LDB2: variants seen among roughly 807,000 people sequenced by gnomAD.
LDB2 encodes LIM domain-binding protein 2.
LDB2 carries 12 observed loss-of-function variants against 44.3 expected under a neutral mutation model. That is an observed-to-expected ratio of 0.27 (90% CI 0.17 to 0.44). The LOEUF is 0.44. LDB2 is among the 20% of genes least tolerant of loss of function. The pLI is 1.00. For missense variants in LDB2, 344 were observed against 473.5 expected (o/e 0.73, Z 2.54); for synonymous variants, 164 against 174.8 (o/e 0.94, Z 0.49).
At chr4:16,592,841 A>G (rs918480479) in intron 3 of LDB2, among the ~76,000 whole-genome samples, 7 of 152,074 alleles carry the variant, frequency 4.6e-5, no homozygotes, top group African/African-American at 1.4e-4. Context: ...TGTACCCTAG[A>G]AAGTGTTCCT....
intron 3 of LDB2, among the ~76,000 whole-genome samples, chr4:16,593,901 C>G (rs1289134761): frequency 2.6e-5 from 4 of 152,198 alleles, no homozygotes; most frequent in Non-Finnish European, 5.9e-5. Context: ...CGATCTAAAA[C>G]AAGTCCCAAA....
chr4:16,588,809 G>C lies in LDB2; in HGVS notation c.432C>G (p.Ile144Met). The C allele has an allele frequency of 1.2e-6, 2 of 1,613,970 alleles. No individual in the cohort carries two copies. The highest frequency in any genetic ancestry group is 1.7e-6 in the Non-Finnish European group (2 of 1,179,872). The change falls in exon 4 of 8, where the codon ATC becomes ATG. Residue 144 changes from isoleucine (I) to methionine (M), a missense_variant. Ile to Met is a conservative substitution (Grantham distance 10). Coordinates refer to ENST00000304523, the MANE Select transcript of LDB2 (RefSeq NM_001290.5). ...FTKVCTEGRL[I>M]LEFTFDDLMR... ...TGAGATCATCAAAGGTGAACTCCAA[G>C]ATCAGTCTGCCTTCTGTACATACCT...
At chr4:16,725,581 C>T (rs1396113894) in intron 2 of LDB2, among the ~76,000 whole-genome samples, 1 of 152,100 alleles carries the variant, frequency 6.6e-6, no homozygotes, top group Non-Finnish European at 1.5e-5. Context: ...ATCTTTGTTC[C>T]CACTTTCTAC....
At chr4:16,801,874 C>T (rs181524603) in intron 1 of LDB2, among the ~76,000 whole-genome samples, 18 of 152,262 alleles carry the variant, frequency 1.2e-4, no homozygotes, top group Admixed American at 1.1e-3. Context: ...ACTAGTGAAT[C>T]ATTTTTGAAT....
chr4:16,670,734 G>A (rs1403810613), intron 2 of LDB2, among the ~76,000 whole-genome samples: 1 of 152,092 alleles, frequency 6.6e-6, no homozygotes, highest in Non-Finnish European at 1.5e-5. Flanking sequence ...CTATAAAATG[G>A]GCATAATAAT....
At chr4:16,560,752 G>A (rs1239749575) in intron 5 of LDB2, among the ~76,000 whole-genome samples, 1 of 152,190 alleles carries the variant, frequency 6.6e-6, no homozygotes, top group African/African-American at 2.4e-5. Flanking sequence ...AAGCCCGGCA[G>A]AGACACAACC....
chr4:16,886,582 C>T (rs1360707533), intron 1 of LDB2, among the ~76,000 whole-genome samples: 1 of 152,164 alleles, frequency 6.6e-6, no homozygotes, highest in Non-Finnish European at 1.5e-5. Flanking sequence ...AAATACTCTA[C>T]ATTAATAATG....
rs1720687360 is a variant in LDB2, at chr4:16,595,696, C to T, written c.408+7G>A. On this transcript the variant is annotated splice_region_variant and intron_variant, in intron 3 of 7. Coordinates refer to ENST00000304523, the MANE Select transcript of LDB2 (RefSeq NM_001290.5). ...AAGCCGGGCATGTGACAGAGCCTGT[C>T]CTGTACCTTGGTAAACATGGGCTTC... The T allele has an allele frequency of 6.2e-7, 1 of 1,612,042 alleles. No homozygotes were observed. Among genetic ancestry groups the T allele is most frequent in the Admixed American group, 1.7e-5 (1 of 59,942 alleles).
chr4:16,626,728 A>C (rs1162200202), intron 2 of LDB2: 3 of 152,132 alleles, frequency 2.0e-5, no homozygotes, highest in Non-Finnish European at 4.4e-5. Flanking sequence ...TAGGAATAAT[A>C]GTCCCTACCT....
intron 1 of LDB2, among the ~76,000 whole-genome samples, chr4:16,810,913 G>A (rs1268700034): frequency 6.6e-6 from 1 of 152,094 alleles, no homozygotes; most frequent in Non-Finnish European, 1.5e-5. Flanking sequence ...AACATTTTTG[G>A]CACCAGGGAC....
In LDB2 at chr4:16,815,961, A is replaced by C. The variant is rs1027783326; in HGVS notation, c.133-56701T>G. Among the ~76,000 whole-genome samples, 5 of 152,302 alleles carry C rather than the reference A, an allele frequency of 3.3e-5. No homozygotes were observed. In the South Asian group the frequency reaches 6.2e-4, roughly 19 times the overall value. The stretch of plus-strand genomic sequence containing the variant: ...GGTGGCTCATGCCTATAATCCCAGC[A>C]CTTTGGGAGGCCGAGGCGGGTGGAT... On this transcript the variant is annotated intron_variant, in intron 1 of 7. Transcript: ENST00000304523.
chr4:16,894,431 G>GA (rs1029475814), intron 1 of LDB2, among the ~76,000 whole-genome samples: 1 of 151,376 alleles, frequency 6.6e-6, no homozygotes, highest in Non-Finnish European at 1.5e-5. Flanking sequence ...TTCTAATGTT[G>GA]AAAAAAAAAT....
intron 5 of LDB2, among the ~76,000 whole-genome samples, chr4:16,548,390 C>G (rs1371801893): frequency 6.6e-6 from 1 of 152,198 alleles, no homozygotes; most frequent in Non-Finnish European, 1.5e-5. Context: ...TCCACTCATT[C>G]TTTCTCCTCC....
At chr4:16,526,546 T>C (rs1728302003) in intron 5 of LDB2, among the ~76,000 whole-genome samples, 1 of 152,244 alleles carries the variant, frequency 6.6e-6, no homozygotes, top group Non-Finnish European at 1.5e-5. Context: ...CTCATCTATC[T>C]GTCTATCATC....
chr4:16,685,474 G>C (rs752947524), intron 2 of LDB2, among the ~76,000 whole-genome samples: 1 of 152,020 alleles, frequency 6.6e-6, no homozygotes, highest in Non-Finnish European at 1.5e-5. Flanking sequence ...TGACTCAGAG[G>C]ACACGGTGAG....
At chr4:16,591,159 A>C (rs1235481943) in intron 3 of LDB2, among the ~76,000 whole-genome samples, 1 of 152,218 alleles carries the variant, frequency 6.6e-6, no homozygotes, top group African/African-American at 2.4e-5. Context: ...TGTTTAAAAA[A>C]TTATCTAATA....
At chr4:16,819,556 T>A (rs1262550430) in intron 1 of LDB2, among the ~76,000 whole-genome samples, 8 of 151,864 alleles carry the variant, frequency 5.3e-5, no homozygotes, top group Admixed American at 2.6e-4. Flanking sequence ...ATTTTTTTTT[T>A]AATGAAATTG....
chr4:16,831,174 C>CTTTTTTTTTTTTTT (rs370309653), intron 1 of LDB2, among the ~76,000 whole-genome samples: 2 of 126,750 alleles, frequency 1.6e-5, no homozygotes, highest in Non-Finnish European at 3.2e-5. Flanking sequence ...CCTCTCTGAG[C>CTTTTTTTTTTTTTT]TTTTTTTTTT....
intron 2 of LDB2, among the ~76,000 whole-genome samples, chr4:16,644,393 A>T (rs976544383): frequency 6.6e-6 from 1 of 151,762 alleles, no homozygotes; most frequent in Non-Finnish European, 1.5e-5. Context: ...TGACCAACTT[A>T]ATCATTAGGT....
Sources: allele counts gnomAD v4.1 joint callset (sites outside exome capture counted in the v4.1 genomes callset), GRCh38; gene constraint gnomAD v4.1.1; transcripts MANE v1.5; gene names NCBI Gene and HGNC (gene_info 2026-07-23, HGNC 2026-07-21).